The following FAM53B variants were observed in gnomAD, a reference collection of about 807,000 sequenced individuals.
FAM53B encodes the protein protein FAM53B.
Under a neutral mutation model 32.7 loss-of-function variants are expected in FAM53B, and 12 were observed. That is an observed-to-expected ratio of 0.37 (90% confidence interval 0.24 to 0.59). The LOEUF (loss-of-function observed/expected upper bound fraction) is 0.59. FAM53B is among the 20% of genes least tolerant of loss of function. FAM53B has a pLI of 0.72. For synonymous variants in FAM53B, 234 were observed against 228.7 expected (o/e 1.02, Z -0.21); for missense variants, 477 against 577.7 (o/e 0.83, Z 1.79).
intron 3 of FAM53B, among the ~76,000 whole-genome samples, chr10:124,684,931 G>T (rs914688193): frequency 1.1e-4 from 17 of 152,242 alleles, no homozygotes; most frequent in African/African-American, 4.1e-4. Flanking sequence ...GAAGATTTAT[G>T]TATGATGATG....
chr10:124,736,254 G>A (rs4962692), intron 1 of FAM53B, among the ~76,000 whole-genome samples: 74,672 of 152,184 alleles, frequency 0.49, 20,517 homozygotes, highest in South Asian at 0.65. Context: ...CAGCAAGTAG[G>A]CAGTCTGTGC....
chr10:124,631,749 C>G (rs924218987), intron 4 of FAM53B, among the ~76,000 whole-genome samples: 11 of 152,178 alleles, frequency 7.2e-5, no homozygotes, highest in African/African-American at 2.7e-4. Flanking sequence ...ACATAAACCC[C>G]CTCTGCACCA....
chr10:124,728,829 A>T (rs1309661790), intron 1 of FAM53B, among the ~76,000 whole-genome samples: 1 of 152,230 alleles, frequency 6.6e-6, no homozygotes. Flanking sequence ...GTCATCAGGG[A>T]ACCCATGCAG....
At chr10:124,707,037 G>C (rs1949964311) in intron 1 of FAM53B, 150 bp from the exon 2 acceptor site, 5 of 633,700 alleles carry the variant, frequency 7.9e-6, no homozygotes, top group East Asian at 4.8e-5. Flanking sequence ...CCAAGGCCCA[G>C]AGTTACCTTC....
Position 124,622,949 on chromosome 10 carries a change from A to C in FAM53B, c.*293T>G. 2.8e-6 allele frequency: 1 copy of C among 353,228 alleles called. No individual in the cohort carries two copies. The highest frequency in any genetic ancestry group is 5.2e-6 in the Non-Finnish European group (1 of 193,616). 21.9% of individuals were successfully genotyped at this position (353,228 alleles called of 1,614,324 possible). ...GAGACTGCCCAACATCCCACAGGGA[A>C]AGAGGCAGAAAAGACGCAAACTTCA... On this transcript the variant is annotated 3_prime_UTR_variant, in exon 5 of 5. Transcript: ENST00000337318.
chr10:124,637,135 G>A lies in FAM53B; in HGVS notation c.907-13531C>T, dbSNP rs538084950. Among the ~76,000 whole-genome samples, 353 of 152,252 alleles carry A rather than the reference G, an allele frequency of 2.3e-3. 1 individual carries two copies. Among genetic ancestry groups the A allele is most frequent in the Admixed American group, 4.6e-3 (71 of 15,304 alleles). On this transcript the variant is annotated intron_variant, in intron 4 of 4. Coordinates refer to ENST00000337318, the MANE Select transcript of FAM53B (RefSeq NM_014661.4). ...CAAAATGCTCCCTGCTCCCACTCGA[G>A]AGGGCCCCCTTGGAAATGGGGTCTA...
At position 124,621,369 on chromosome 10, in the gene FAM53B, C is replaced by G. The variant is rs937785216; in HGVS notation, c.*1873G>C. The G allele has an allele frequency of 6.6e-6, 1 of 152,244 alleles. No individual in the cohort carries two copies. Among genetic ancestry groups the G allele is most frequent in the African/African-American group, 2.4e-5 (1 of 41,468 alleles). 9.4% of individuals were successfully genotyped at this position (152,244 alleles called of 1,614,324 possible). A position where few individuals can be genotyped will look rare whatever the true frequency, so the allele number is the denominator to read the frequency against. On this transcript the variant is annotated 3_prime_UTR_variant, in exon 5 of 5. Transcript: ENST00000337318. Reference sequence around the variant, plus strand: ...CCCAGGCAGGGACAGGCCAAGATGTCTCTGTCTGCTCAGAGCCACCAGCTC... The same window carrying G: ...CCCAGGCAGGGACAGGCCAAGATGTGTCTGTCTGCTCAGAGCCACCAGCTC...
intron 1 of FAM53B, among the ~76,000 whole-genome samples, chr10:124,741,161 T>C (rs1225446170): frequency 6.6e-6 from 1 of 152,206 alleles, no homozygotes; most frequent in Non-Finnish European, 1.5e-5. Flanking sequence ...AAACTTGTAT[T>C]ATCAGCATAT....
At chr10:124,685,558 G>A (rs115842931) in intron 3 of FAM53B, among the ~76,000 whole-genome samples, 54 of 152,334 alleles carry the variant, frequency 3.5e-4, no homozygotes, top group African/African-American at 1.2e-3. Flanking sequence ...GAGGGTGGCC[G>A]GTGCTCACGG....
At chr10:124,633,165 T>G (rs1400659615) in intron 4 of FAM53B, among the ~76,000 whole-genome samples, 3 of 151,530 alleles carry the variant, frequency 2.0e-5, no homozygotes, top group African/African-American at 4.9e-5. Context: ...AACAATCTGC[T>G]TTCAAGAGCA....
chr10:124,704,476 G>A (rs1949936637), intron 2 of FAM53B: 1 of 152,388 alleles, frequency 6.6e-6, no homozygotes, highest in African/African-American at 2.4e-5. Flanking sequence ...GGTAAGGGGT[G>A]GGCGCTGGCG....
At chr10:124,728,561 G>A (rs576234329) in intron 1 of FAM53B, among the ~76,000 whole-genome samples, 31 of 152,286 alleles carry the variant, frequency 2.0e-4, no homozygotes, top group African/African-American at 5.1e-4. Context: ...GCTTTGGTTG[G>A]GTCATCATGA....
At chr10:124,693,818 C>G (rs559116990) in intron 3 of FAM53B, among the ~76,000 whole-genome samples, 216 of 152,320 alleles carry the variant, frequency 1.4e-3, no homozygotes, top group African/African-American at 4.5e-3. Flanking sequence ...ATTCACTGTT[C>G]GTTGATCTTT....
intron 2 of FAM53B, among the ~76,000 whole-genome samples, chr10:124,700,533 C>T (rs1021233566): frequency 6.6e-6 from 1 of 152,188 alleles, no homozygotes; most frequent in Non-Finnish European, 1.5e-5. Context: ...CCCGAGCCCA[C>T]GCCGGGGCAG....
At chr10:124,698,875 T>G (rs1311131638) in intron 2 of FAM53B, among the ~76,000 whole-genome samples, 3 of 152,184 alleles carry the variant, frequency 2.0e-5, no homozygotes, top group Non-Finnish European at 4.4e-5. Flanking sequence ...TCCCGGCCAC[T>G]ACCTCTCCTC....
At position 124,682,064 on chromosome 10, in the gene FAM53B, C is replaced by T. The variant is rs1949776611; in HGVS notation, c.449G>A (p.Gly150Asp). 3 of 1,613,654 alleles carry T rather than the reference C, an allele frequency of 1.9e-6. No individual in the cohort carries two copies. The highest frequency in any genetic ancestry group is 2.5e-6 in the Non-Finnish European group (3 of 1,179,790). The change falls in exon 4 of 5, where the codon GGC becomes GAC. Residue 150 changes from glycine (G) to aspartate (D), a missense_variant. By Grantham distance (94) the Gly-to-Asp change is moderately conservative (BLOSUM62 -1). Coordinates refer to ENST00000337318, the MANE Select transcript of FAM53B (RefSeq NM_014661.4). This position sits in a 1 kb window ranked among gnomAD's most constrained non-coding sequence, Gnocchi z 5.2. ...PVEKRRCYSG[G>D]SVQRYSNGFS... ...GCCGTTGGAATAGCGCTGGACGCTG[C>T]CCCCGCTGTAGCAGCGTCTCTTTTC... is the stretch of plus-strand genomic sequence containing the variant.
intron 4 of FAM53B, among the ~76,000 whole-genome samples, chr10:124,668,352 G>A (rs1480720743): frequency 3.9e-5 from 6 of 152,226 alleles, no homozygotes; most frequent in East Asian, 1.9e-4. Flanking sequence ...CTCCCCTGCC[G>A]CAGGGTATTT....
At chr10:124,657,787 C>T (rs1282367639) in intron 4 of FAM53B, among the ~76,000 whole-genome samples, 1 of 152,126 alleles carries the variant, frequency 6.6e-6, no homozygotes, top group African/African-American at 2.4e-5. Flanking sequence ...CACCTAACTC[C>T]CTCTTTTCAT....
intron 3 of FAM53B, among the ~76,000 whole-genome samples, chr10:124,690,880 T>C (rs1490367800): frequency 6.6e-6 from 1 of 152,176 alleles, no homozygotes; most frequent in Non-Finnish European, 1.5e-5. Context: ...TAATGAGCAG[T>C]CTCTTACTGG....
Sources: allele counts gnomAD v4.1 joint callset (sites outside exome capture counted in the v4.1 genomes callset), GRCh38; gene constraint gnomAD v4.1.1; non-coding constraint Gnocchi (gnomAD v3.1); transcripts MANE v1.5; gene names NCBI Gene and HGNC (gene_info 2026-07-23, HGNC 2026-07-21).